The following RCBTB2 variants were observed in gnomAD, a reference collection of about 807,000 sequenced individuals.
RCBTB2 encodes RCC1 and BTB domain containing protein 2.
RCBTB2 carries 55 observed loss-of-function variants against 65.4 expected under a neutral mutation model. The ratio of observed to expected loss-of-function variants is 0.84; its 90% confidence interval spans 0.68 to 1.05. The LOEUF is 1.05. RCBTB2 is among the 50% of genes least tolerant of loss of function. The pLI, the probability that RCBTB2 is intolerant of heterozygous loss-of-function variation, is 0.00. For missense variants in RCBTB2, 599 were observed against 680.1 expected, an observed-to-expected ratio of 0.88 and a Z score of 1.33; for synonymous variants, 220 against 255.2, an observed-to-expected ratio of 0.86 and a Z score of 1.31.
At chr13:48,510,862 A>G (rs1950751776) in intron 9 of RCBTB2, 91 bp from the exon 10 acceptor site, 2 of 1,371,474 alleles carry the variant, frequency 1.5e-6, no homozygotes, top group East Asian at 4.8e-5. Flanking sequence ...AATGAAAAAA[A>G]AAGGAAGAGG....
chr13:48,507,439 G>A (rs762454053), intron 10 of RCBTB2, among the ~76,000 whole-genome samples: 8 of 152,088 alleles, frequency 5.3e-5, no homozygotes, highest in Non-Finnish European at 1.0e-4. Flanking sequence ...GATGTCTGGC[G>A]TATTTCACAC....
At chr13:48,525,702 T>C (rs1165601779) in intron 1 of RCBTB2, among the ~76,000 whole-genome samples, 1 of 151,674 alleles carries the variant, frequency 6.6e-6, no homozygotes, top group African/African-American at 2.4e-5. Context: ...AAAGAACAAA[T>C]TGATCAACAA....
intron 3 of RCBTB2, 86 bp downstream of exon 3, chr13:48,522,222 T>C (rs978723352): frequency 7.0e-5 from 63 of 899,616 alleles, no homozygotes; most frequent in Middle Eastern, 6.9e-4. Context: ...AAAATTCACA[T>C]GGGTCCTTAA....
intron 1 of RCBTB2, among the ~76,000 whole-genome samples, chr13:48,529,121 T>C (rs1951964014): frequency 6.6e-6 from 1 of 152,214 alleles, no homozygotes; most frequent in African/African-American, 2.4e-5. Flanking sequence ...CATTTTCAAA[T>C]ATGAAAAATA....
At chr13:48,532,090 C>G (rs758882050) in intron 1 of RCBTB2, 3 of 152,194 alleles carry the variant, frequency 2.0e-5, no homozygotes, top group Non-Finnish European at 4.4e-5. Context: ...CCATGAAATG[C>G]GTTTTGTTAT....
At chr13:48,496,038 T>C (rs943278) in intron 14 of RCBTB2, among the ~76,000 whole-genome samples, 153 bp downstream of exon 14, 68,138 of 152,090 alleles carry the variant, frequency 0.45, 19,960 homozygotes, top group African/African-American at 0.85. Flanking sequence ...TATAAATACT[T>C]GCTTATACGT....
rs893499903 is a variant in RCBTB2, at chr13:48,524,769, A to C, written c.-218-12T>G. 6.6e-6 allele frequency: 1 copy of C among 152,198 alleles called. No homozygotes were observed. Among genetic ancestry groups the C allele is most frequent in the African/African-American group, 2.4e-5 (1 of 41,452 alleles). The allele number at this position is 152,198 out of a possible 1,614,324, so 9.4% of individuals were successfully genotyped here. On this transcript the variant is annotated splice_polypyrimidine_tract_variant and intron_variant, in intron 1 of 14. Transcript: ENST00000344532. Reference sequence around the variant, plus strand: ...CAAAGTTAATGTGACTGGAAATATAAATACACAAATAAATTCTATTAGAGA... The same window carrying C: ...CAAAGTTAATGTGACTGGAAATATACATACACAAATAAATTCTATTAGAGA...
rs989382827 is a variant in RCBTB2 at position 48,518,399 on chromosome 13, A to T, written c.43-2658T>A. 4.7e-5 allele frequency among the ~76,000 whole-genome samples: 7 copies of T among 148,492 alleles called. No individual in the cohort carries two copies. In the Admixed American group the frequency reaches 4.8e-4, roughly 10 times the overall value. On this transcript the variant is annotated intron_variant, in intron 4 of 14. Transcript: ENST00000344532. The stretch of plus-strand genomic sequence containing the variant: ...GGCAACACCAACAGTTGGTTCTCCC[A>T]TTCACTTTTGAAACAGTGCTTACTG...
At chr13:48,519,998 A>G (rs1266248896) in intron 4 of RCBTB2, among the ~76,000 whole-genome samples, 2 of 152,196 alleles carry the variant, frequency 1.3e-5, no homozygotes, top group Non-Finnish European at 1.5e-5. Flanking sequence ...TGTTCATTAG[A>G]GCATTTCAGA....
chr13:48,534,007 G>T (rs946317845), upstream of RCBTB2, among the ~76,000 whole-genome samples: 1 of 152,182 alleles, frequency 6.6e-6, no homozygotes, highest in Non-Finnish European at 1.5e-5. Flanking sequence ...TCTGGCTTTT[G>T]TCATTTCTTC....
intron 1 of RCBTB2, among the ~76,000 whole-genome samples, chr13:48,525,688 CAAGA>C (rs1269218197): frequency 2.6e-5 from 4 of 151,392 alleles, no homozygotes; most frequent in Non-Finnish European, 4.4e-5. Context: ...TAGCAAAAAG[CAAGA>C]AAGAACAAAT....
intron 4 of RCBTB2, among the ~76,000 whole-genome samples, chr13:48,519,398 T>A (rs188546049): frequency 1.2e-3 from 188 of 152,352 alleles, no homozygotes; most frequent in Non-Finnish European, 1.9e-3. Context: ...ATCAAGTGGT[T>A]TTCTGGATGT....
chr13:48,525,836 T>C (rs1003845841), intron 1 of RCBTB2, among the ~76,000 whole-genome samples: 2 of 152,176 alleles, frequency 1.3e-5, no homozygotes, highest in African/African-American at 2.4e-5. Flanking sequence ...ATACATATGG[T>C]ATCATTTGAT....
At chr13:48,493,436 C>T (rs1271686181) in intron 14 of RCBTB2, among the ~76,000 whole-genome samples, 1 of 151,620 alleles carries the variant, frequency 6.6e-6, no homozygotes, top group Non-Finnish European at 1.5e-5. Context: ...TTCAAATGCC[C>T]ATCATATCTG....
At position 48,514,855 on chromosome 13, in the gene RCBTB2, T is replaced by A. The variant is rs183626608; in HGVS notation, c.349+350A>T. Among the ~76,000 whole-genome samples the A allele has an allele frequency of 7.2e-5, 11 of 152,310 alleles. No homozygotes were observed. The East Asian group carries it at 1.3e-3, about 19-fold the overall frequency. ...TACAGCCATCAGTCACTCTTTAGTG[T>A]AAGAATCACAGAATGCTAAGAGTTG... is the stretch of plus-strand genomic sequence containing the variant. On this transcript the variant is annotated intron_variant, in intron 6 of 14. Transcript: ENST00000344532.
At chr13:48,530,576 C>T (rs1413522233) in intron 1 of RCBTB2, among the ~76,000 whole-genome samples, 3 of 152,202 alleles carry the variant, frequency 2.0e-5, no homozygotes, top group African/African-American at 7.2e-5. Context: ...GTGATTTAAG[C>T]TCCTCTCCTA....
rs1165291489 is a variant in RCBTB2, at chr13:48,512,144, G to A, written c.547C>T (p.Gln183Ter). ...TTAACTGTTGATCCAGATCCTACCT[G>A]CCCAGAGTTATTATAACCCCAGGCA... ...VFAWGYNNSG[Q>*]VGSGSTVNQP... Residue 183 changes from glutamine (Q) to a stop codon, truncating the protein, a stop_gained, in exon 8 of 15, where the codon CAG (glutamine) becomes TAG (stop). Coordinates refer to ENST00000344532, the MANE Select transcript of RCBTB2 (RefSeq NM_001268.4). LOFTEE classifies it high-confidence loss of function. The A allele has an allele frequency of 3.7e-6, 6 of 1,613,992 alleles. No homozygotes were observed. Among genetic ancestry groups the A allele is most frequent in the East Asian group, 2.2e-5 (1 of 44,882 alleles).
intron 1 of RCBTB2, among the ~76,000 whole-genome samples, chr13:48,525,728 G>A (rs897949058): frequency 2.6e-5 from 4 of 151,500 alleles, no homozygotes; most frequent in Non-Finnish European, 5.9e-5. Context: ...ATAAACTGTG[G>A]CATATGCATA....
chr13:48,534,092 A>T (rs1411793397), upstream of RCBTB2, among the ~76,000 whole-genome samples: 1 of 152,238 alleles, frequency 6.6e-6, no homozygotes, highest in Non-Finnish European at 1.5e-5. Flanking sequence ...TTCTCTGAGC[A>T]TAGCCCACTG....
Sources: gnomAD v4.1 joint callset for allele counts (sites outside exome capture counted in the v4.1 genomes callset) on GRCh38, gnomAD v4.1.1 for gene constraint, MANE v1.5 for transcripts, NCBI Gene and HGNC (gene_info 2026-07-23, HGNC 2026-07-21) for gene names.